Variants in MRAP2 observed in about 807,000 individuals in gnomAD.
The protein encoded by MRAP2 is melanocortin-2 receptor accessory protein 2.
MRAP2 carries 20 observed loss-of-function variants against 17.4 expected under a neutral mutation model. The ratio of observed to expected loss-of-function variants is 1.15; its 90% confidence interval spans 0.81 to 1.67. The LOEUF (loss-of-function observed/expected upper bound fraction) is 1.67, where lower values mean the gene tolerates loss of function less well. Among genes scored for constraint, MRAP2 ranks in the 40% most tolerant of loss-of-function variants. MRAP2 has a pLI of 0.00. For missense variants in MRAP2, 238 were observed against 240.0 expected (o/e 0.99, Z 0.05); for synonymous variants, 96 against 88.4 (o/e 1.09, Z -0.48).
At chr6:84,138,591 C>T in the MRAP2 span, among the ~76,000 whole-genome samples, 2 of 152,170 alleles carry the variant, frequency 1.3e-5, no homozygotes, top group Non-Finnish European at 2.9e-5. Context: ...ATTACCTTTA[C>T]TCAGGACACT....
intron 1 of MRAP2, among the ~76,000 whole-genome samples, chr6:84,045,944 T>A (rs1233712341): frequency 6.6e-6 from 1 of 152,208 alleles, no homozygotes; most frequent in Non-Finnish European, 1.5e-5. Flanking sequence ...TGGAAGGACT[T>A]TCACTACATC....
chr6:84,047,502 A>AG (rs1358691786), intron 1 of MRAP2, among the ~76,000 whole-genome samples: 1 of 152,080 alleles, frequency 6.6e-6, no homozygotes, highest in African/African-American at 2.4e-5. Flanking sequence ...TAAAAAAAAA[A>AG]AAACTATAAA....
Position 84,077,356 on chromosome 6 carries a change from C to G in MRAP2, c.228-11735C>G, listed in dbSNP as rs139495181. ...TATCAGGTAGAAAGAACAGCACAAG[C>G]GAAGGCACAGAGAGTGGCAGTCTTG... is the stretch of plus-strand genomic sequence containing the variant. On this transcript the variant is annotated intron_variant, in intron 3 of 3. Transcript: ENST00000257776. Among the ~76,000 whole-genome samples, 3 of 152,256 alleles carry G rather than the reference C, an allele frequency of 2.0e-5. No individual in the cohort carries two copies. In the East Asian group the frequency reaches 5.8e-4, roughly 29 times the overall value.
At chr6:84,071,860 A>G (rs539377156) in intron 3 of MRAP2, among the ~76,000 whole-genome samples, 121 of 152,186 alleles carry the variant, frequency 8.0e-4, no homozygotes, top group African/African-American at 2.9e-3. Context: ...CTACTTGTTC[A>G]ATTCTATTGC....
the MRAP2 span, among the ~76,000 whole-genome samples, chr6:84,138,814 GGTTCTGTAAAC>G: frequency 1.9e-4 from 29 of 152,148 alleles, 1 homozygote; most frequent in East Asian, 5.6e-3. Context: ...TCAGTTCTGA[GGTTCTGTAAAC>G]TTAGTGCTTA....
At chr6:84,086,094 T>C (rs2099500369) in intron 3 of MRAP2, among the ~76,000 whole-genome samples, 1 of 152,140 alleles carries the variant, frequency 6.6e-6, no homozygotes, top group African/African-American at 2.4e-5. Context: ...TCAACCTAAA[T>C]AACAAATACT....
chr6:84,116,742 T>A, the MRAP2 span, among the ~76,000 whole-genome samples: 1 of 152,244 alleles, frequency 6.6e-6, no homozygotes, highest in Non-Finnish European at 1.5e-5. Flanking sequence ...TCTATTGAAA[T>A]AATCATGTGA....
intron 3 of MRAP2, 82 bp downstream of exon 3, chr6:84,063,074 G>T: frequency 6.3e-7 from 1 of 1,587,884 alleles, no homozygotes; most frequent in South Asian, 1.1e-5. Context: ...GGCCGGAGGT[G>T]CTTCCCGTGG....
intron 3 of MRAP2, among the ~76,000 whole-genome samples, chr6:84,077,050 C>T (rs1369978448): frequency 2.0e-5 from 3 of 152,288 alleles, no homozygotes; most frequent in Middle Eastern, 3.4e-3. Flanking sequence ...ATAAAGTGCT[C>T]ACTGAGGTCT....
At chr6:84,055,491 T>C (rs2099491486) in intron 2 of MRAP2, 46 bp downstream of exon 2, 6 of 1,577,388 alleles carry the variant, frequency 3.8e-6, no homozygotes, top group Admixed American at 1.8e-5. Flanking sequence ...TGTATTTCTC[T>C]TAACCTGTGA....
intron 3 of MRAP2, among the ~76,000 whole-genome samples, chr6:84,085,803 G>A (rs2099500303): frequency 6.6e-6 from 1 of 152,174 alleles, no homozygotes; most frequent in Non-Finnish European, 1.5e-5. Flanking sequence ...CACTTCTCAG[G>A]AAGAGCTTGC....
At chr6:84,033,404 C>G (rs1023196849), upstream of MRAP2, among the ~76,000 whole-genome samples, 1 of 152,152 alleles carries the variant, frequency 6.6e-6, no homozygotes, top group Non-Finnish European at 1.5e-5. Context: ...TGGGGGGGCT[C>G]TGGCCTTACT....
chr6:84,144,801 C>T, the MRAP2 span, among the ~76,000 whole-genome samples: 16 of 152,082 alleles, frequency 1.1e-4, no homozygotes, highest in Admixed American at 9.8e-4. Context: ...CTGTAGAGAA[C>T]TTTTTCTCTT....
chr6:84,132,462 C>T, the MRAP2 span, among the ~76,000 whole-genome samples: 27 of 152,130 alleles, frequency 1.8e-4, no homozygotes, highest in East Asian at 1.3e-3. Flanking sequence ...CCATTCTCCC[C>T]GTCACTTTCA....
chr6:84,078,601 G>C (rs571950981), intron 3 of MRAP2, among the ~76,000 whole-genome samples: 35 of 152,294 alleles, frequency 2.3e-4, no homozygotes, highest in African/African-American at 6.5e-4. Context: ...GGAGGTGTTT[G>C]GGTTATAGGG....
the MRAP2 span, among the ~76,000 whole-genome samples, chr6:84,133,940 G>A: frequency 2.0e-5 from 3 of 152,158 alleles, no homozygotes; most frequent in African/African-American, 4.8e-5. Context: ...CTTATGAGTC[G>A]CTCATGCTAG....
At chr6:84,033,751 C>T (rs1380659341), upstream of MRAP2, 2 of 985,630 alleles carry the variant, frequency 2.0e-6, no homozygotes, top group African/African-American at 1.7e-5. Context: ...GCGTCTCCGC[C>T]GCACCTCGGA....
intron 1 of MRAP2, among the ~76,000 whole-genome samples, chr6:84,051,649 G>T (rs562009987): frequency 6.6e-6 from 1 of 152,172 alleles, no homozygotes; most frequent in East Asian, 1.9e-4. Flanking sequence ...TTTCAGCCAG[G>T]GAGGTCAATG....
chr6:84,094,560 T>C (rs1273296984), downstream of MRAP2, among the ~76,000 whole-genome samples: 1 of 152,244 alleles, frequency 6.6e-6, no homozygotes, highest in Non-Finnish European at 1.5e-5. Flanking sequence ...TTTCTGCTGC[T>C]ATGTAACAAG....
Sources: allele counts gnomAD v4.1 joint callset (sites outside exome capture counted in the v4.1 genomes callset), GRCh38; gene constraint gnomAD v4.1.1; transcripts MANE v1.5; gene names NCBI Gene and HGNC (gene_info 2026-07-23, HGNC 2026-07-21).